Variants in NBPF8 observed in about 807,000 individuals in gnomAD.
NBPF8 encodes the protein NBPF member 8, also known as NBPF family member NBPF8.
chr1:120,465,326 G>A lies in NBPF8; in HGVS notation n.3523G>A, dbSNP rs1263475929. Reference sequence around the variant, plus strand: ...AGAAGATCAAAGAAGAAAAGAAGAAGGGGAAGAAAAGAAGGGGAAGAAGAT... The same window carrying A: ...AGAAGATCAAAGAAGAAAAGAAGAAAGGGAAGAAAAGAAGGGGAAGAAGAT... On this transcript the variant is annotated non_coding_transcript_exon_variant, in exon 24 of 25. Coordinates refer to ENST00000583271, the Ensembl canonical transcript of NBPF8. The A allele has an allele frequency of 7.2e-6, 5 of 696,654 alleles. No homozygotes were observed. In the East Asian group the frequency reaches 7.4e-5, roughly 10 times the overall value. 43.2% of individuals were successfully genotyped at this position (696,654 alleles called of 1,614,324 possible). A position where few individuals can be genotyped will look rare whatever the true frequency, so the allele number is the denominator to read the frequency against.
chr1:120,415,953 G>A (rs1423059534), upstream of NBPF8, among the ~76,000 whole-genome samples: 24 of 152,330 alleles, frequency 1.6e-4, 1 homozygote, highest in East Asian at 1.2e-3. Flanking sequence ...GACGTTTGGC[G>A]TGGTTTTCTT....
intron 17 of NBPF8, 118 bp downstream of exon 15, chr1:120,459,648 T>C (rs1661519472): frequency 2.7e-6 from 3 of 1,100,470 alleles, no homozygotes; most frequent in Admixed American, 1.7e-5. Flanking sequence ...GGGCTGAACC[T>C]ATATATCAAT....
At chr1:120,421,477 T>C (rs1660575337) in intron 1 of NBPF8, among the ~76,000 whole-genome samples, 1 of 145,986 alleles carries the variant, frequency 6.8e-6, no homozygotes, top group Non-Finnish European at 1.5e-5. Flanking sequence ...CCTCCCTTCC[T>C]CCCTCTCTCC....
chr1:120,465,756 C>CTCTCTG (rs1362156469), intron 24 of NBPF8, among the ~76,000 whole-genome samples: 4 of 151,588 alleles, frequency 2.6e-5, no homozygotes, highest in Admixed American at 6.6e-5. Context: ...AGGTCACTTT[C>CTCTCTG]TCTCTGTCTC....
At chr1:120,425,339 T>A (rs1415662225) in intron 1 of NBPF8, among the ~76,000 whole-genome samples, 1 of 152,152 alleles carries the variant, frequency 6.6e-6, no homozygotes, top group African/African-American at 2.4e-5. Flanking sequence ...GCCTTAGGAC[T>A]GGAGGTGGGA....
chr1:120,445,685 G>T, intron 7 of NBPF8: 1 of 165,670 alleles, frequency 6.0e-6, no homozygotes, highest in South Asian at 3.2e-5. Flanking sequence ...TCTTTCTCTT[G>T]GCCACAGACA....
intron 17 of NBPF8, 106 bp downstream of exon 15, chr1:120,459,636 G>A: frequency 7.9e-7 from 1 of 1,261,904 alleles, no homozygotes; most frequent in Non-Finnish European, 1.1e-6. Context: ...TGCCATCACT[G>A]TGGGCTGAAC....
intron 1 of NBPF8, among the ~76,000 whole-genome samples, chr1:120,425,530 C>A (rs1350928401): frequency 6.6e-6 from 1 of 152,172 alleles, no homozygotes; most frequent in African/African-American, 2.4e-5. Flanking sequence ...TCTGGAAATG[C>A]CCGATAATGA....
chr1:120,451,797 A>G (rs61807093), intron 12 of NBPF8, among the ~76,000 whole-genome samples: 1 of 149,488 alleles, frequency 6.7e-6, no homozygotes, highest in Non-Finnish European at 1.5e-5. Flanking sequence ...GTATTTTCAC[A>G]TGGAATTGTC....
chr1:120,464,126 T>C (rs1661666871), intron 22 of NBPF8, among the ~76,000 whole-genome samples: 2 of 41,874 alleles, frequency 4.8e-5, no homozygotes, highest in Non-Finnish European at 8.6e-5. Flanking sequence ...TCTCTCTCTC[T>C]CTCTCTCTGT....
At position 120,449,428 on chromosome 1, in the gene NBPF8, G is replaced by A. The variant is rs150020708; in HGVS notation, n.1971+26G>A. 2.0e-3 allele frequency: 2,901 copies of A among 1,479,434 alleles called. No homozygotes were observed. The African/African-American group carries it at 0.037, about 19-fold the overall frequency. 91.6% of individuals were successfully genotyped at this position (1,479,434 alleles called of 1,614,324 possible). On this transcript the variant is annotated intron_variant and non_coding_transcript_variant, in intron 11 of 24. Transcript: ENST00000583271. ...GTAAGATCTACAGGCTCACCATCATGAAAGTGATGAATGATATCCTGTCTT... is the reference window on the plus strand; with the variant it reads ...GTAAGATCTACAGGCTCACCATCATAAAAGTGATGAATGATATCCTGTCTT...
chr1:120,433,498 GTGTC>G (rs1660946741), upstream of NBPF8: 1 of 153,304 alleles, frequency 6.5e-6, no homozygotes, highest in East Asian at 1.9e-4. Context: ...GTGGGGGAAG[GTGTC>G]TGTCCATCTA....
chr1:120,424,441 G>A (rs1429654903), intron 1 of NBPF8, among the ~76,000 whole-genome samples: 15 of 151,984 alleles, frequency 9.9e-5, no homozygotes, highest in Admixed American at 2.0e-4. Flanking sequence ...GTAGTGAACC[G>A]TCTTTATTTT....
downstream of NBPF8, among the ~76,000 whole-genome samples, chr1:120,468,468 T>G (rs1661810268): frequency 7.2e-6 from 1 of 139,318 alleles, no homozygotes; most frequent in South Asian, 2.3e-4. Context: ...CCAAAATGAT[T>G]TTTCTGGAGT....
At chr1:120,453,511 C>T in intron 14 of NBPF8, 67 bp downstream of exon 12, 1 of 1,123,850 alleles carries the variant, frequency 8.9e-7, no homozygotes, top group South Asian at 1.2e-5. Context: ...GAGGCACACC[C>T]TCTCTGGCAT....
At chr1:120,431,284 T>C (rs1409326154) in intron 3 of NBPF8, among the ~76,000 whole-genome samples, 1 of 134,036 alleles carries the variant, frequency 7.5e-6, no homozygotes, top group Non-Finnish European at 1.6e-5. Flanking sequence ...TGTGTGTGTA[T>C]ATTCACCGTT....
intron 3 of NBPF8, among the ~76,000 whole-genome samples, chr1:120,429,880 T>TA (rs1433255267): frequency 6.7e-6 from 1 of 149,980 alleles, no homozygotes; most frequent in East Asian, 2.0e-4. Context: ...TTTTTATATT[T>TA]AAAAAATATC....
intron 1 of NBPF8, among the ~76,000 whole-genome samples, chr1:120,425,593 T>C (rs1385121785): frequency 6.6e-6 from 1 of 152,214 alleles, no homozygotes; most frequent in Non-Finnish European, 1.5e-5. Flanking sequence ...GTCCTCCGTA[T>C]GCTGAACGCC....
rs1661398728 is a variant in NBPF8 at position 120,455,055 on chromosome 1, T to TTA, written n.2569-353_2569-352dup. ...TTCATGTATAGATGCCTCTAAACAT[T>TTA]TAATGTCCATGTTACCTGGTGATAT... On this transcript the variant is annotated intron_variant and non_coding_transcript_variant, in intron 15 of 24. Coordinates refer to ENST00000583271, the Ensembl canonical transcript of NBPF8. 2.0e-5 allele frequency among the ~76,000 whole-genome samples: 3 copies of TTA among 148,280 alleles called. No homozygotes were observed. In the South Asian group the frequency reaches 6.6e-4, roughly 33 times the overall value.
Sources: gnomAD v4.1 joint callset for allele counts (sites outside exome capture counted in the v4.1 genomes callset) on GRCh38, gnomAD v4.1.1 for gene constraint, MANE v1.5 for transcripts, NCBI Gene and HGNC (gene_info 2026-07-23, HGNC 2026-07-21) for gene names.